Variants in NCAN observed in about 807,000 individuals in gnomAD.
The protein encoded by NCAN is neurocan.
Under a neutral mutation model 121.8 loss-of-function variants are expected in NCAN, and 47 were observed. The observed-to-expected ratio is 0.39, with a 90% CI of 0.31 to 0.49. NCAN has a LOEUF of 0.49. Ranked by LOEUF, NCAN falls within the 20% of genes least tolerant of loss-of-function variation. NCAN has a pLI of 0.92. For missense variants in NCAN, 1,517 were observed against 1,773.4 expected (o/e 0.86, Z 2.60); for synonymous variants, 633 against 702.0 (o/e 0.90, Z 1.55).
intron 2 of NCAN, among the ~76,000 whole-genome samples, chr19:19,217,726 C>T (rs1337454797): frequency 6.6e-6 from 1 of 152,176 alleles, no homozygotes; most frequent in African/African-American, 2.4e-5. Context: ...GTGGTTTATG[C>T]CTATAATTCT....
Position 19,230,471 on chromosome 19 carries a change from G to A in NCAN, c.3019+1832G>A, listed in dbSNP as rs1488435544. Among the ~76,000 whole-genome samples the A allele has an allele frequency of 5.1e-5, 7 of 137,676 alleles. No homozygotes were observed. The East Asian group carries it at 6.5e-4, about 13-fold the overall frequency. The allele number at this position is 137,676 out of a possible 152,430, so 90.3% of individuals were successfully genotyped here. A position where few individuals can be genotyped will look rare whatever the true frequency, so the allele number is the denominator to read the frequency against. On this transcript the variant is annotated intron_variant, in intron 8 of 14. Coordinates refer to ENST00000252575, the MANE Select transcript of NCAN (RefSeq NM_004386.3). ...TAGGCTTGAGTGCAGTGGCAAGATC[G>A]TGGCTCACTGCAGCCTTGACCTCCC...
rs751900603 is a variant in NCAN at position 19,228,385 on chromosome 19, C to T, written c.2765C>T (p.Pro922Leu). ...GASVPPHQSS[P>L]LGKPAVPPGT... ...TCAGTGCCTCCGCATCAGAGCAGTCCCCTAGGGAAACCGGCTGTTCCTCCT... is the reference window on the plus strand; with the variant it reads ...TCAGTGCCTCCGCATCAGAGCAGTCTCCTAGGGAAACCGGCTGTTCCTCCT... Residue 922 changes from proline to leucine, a missense_variant, in exon 8 of 15, where the codon CCC becomes CTC. Coordinates refer to ENST00000252575, the MANE Select transcript of NCAN (RefSeq NM_004386.3). 9.3e-6 allele frequency: 15 copies of T among 1,613,748 alleles called. No homozygotes were observed. Among genetic ancestry groups the T allele is most frequent in the Non-Finnish European group, 1.3e-5 (15 of 1,179,996 alleles).
chr19:19,247,688 G>A (rs2060929646), intron 13 of NCAN, among the ~76,000 whole-genome samples: 1 of 152,266 alleles, frequency 6.6e-6, no homozygotes, highest in Non-Finnish European at 1.5e-5. Context: ...GCCGCACCCG[G>A]CCTTTATTTG....
At chr19:19,235,217 A>G (rs906020622) in intron 10 of NCAN, 121 bp downstream of exon 10, 8 of 579,046 alleles carry the variant, frequency 1.4e-5, no homozygotes, top group African/African-American at 1.1e-4. Context: ...CTGACACAAG[A>G]TAAATTATTC....
intron 12 of NCAN, among the ~76,000 whole-genome samples, chr19:19,241,263 A>G (rs2060902439): frequency 6.6e-6 from 1 of 151,654 alleles, no homozygotes. Flanking sequence ...TGTCTCAAAA[A>G]AAAAAAAAAG....
chr19:19,222,427 C>G (rs2060820028), intron 3 of NCAN, among the ~76,000 whole-genome samples: 1 of 152,050 alleles, frequency 6.6e-6, no homozygotes, highest in Admixed American at 6.6e-5. Flanking sequence ...TACAGGTGCA[C>G]ACAACCACAC....
intron 11 of NCAN, among the ~76,000 whole-genome samples, chr19:19,238,994 T>C (rs1669139760): frequency 1.3e-5 from 2 of 152,136 alleles, no homozygotes; most frequent in Admixed American, 6.5e-5. Flanking sequence ...CACCATCCCA[T>C]CCCTCGTGAC....
In NCAN at chr19:19,226,724, G is replaced by C; in HGVS notation, c.1311G>C (p.Met437Ile). ...QTLSPTPGDP[M>I]LASWPTGEVW... is the part of the protein sequence containing the mutation. Reference sequence around the variant, plus strand: ...TCAGCCCTACCCCTGGGGACCCCATGCTGGCCTCATGGCCCACTGGGGAAG... The same window carrying C: ...TCAGCCCTACCCCTGGGGACCCCATCCTGGCCTCATGGCCCACTGGGGAAG... The change falls in exon 7 of 15, where the codon ATG becomes ATC. Residue 437 changes from methionine (M) to isoleucine (I), a missense_variant. Physicochemically the swap from Met to Ile is conservative, Grantham distance 10 (BLOSUM62 1). Coordinates refer to ENST00000252575, the MANE Select transcript of NCAN (RefSeq NM_004386.3). 6.2e-7 allele frequency: 1 copy of C among 1,612,712 alleles called. No homozygotes were observed. Among genetic ancestry groups the C allele is most frequent in the Non-Finnish European group, 8.5e-7 (1 of 1,179,186 alleles).
At chr19:19,238,072 G>A (rs537488985) in intron 10 of NCAN, among the ~76,000 whole-genome samples, 181 bp from the exon 11 acceptor site, 7 of 152,242 alleles carry the variant, frequency 4.6e-5, no homozygotes, top group South Asian at 2.1e-4. Flanking sequence ...AAGTCAATAT[G>A]GGAGGTGAAA....
chr19:19,218,768 A>G, intron 2 of NCAN, 147 bp from the exon 3 acceptor site: 1 of 743,634 alleles, frequency 1.3e-6, no homozygotes, highest in Non-Finnish European at 1.9e-6. Context: ...TATCGCGTCC[A>G]GCCACTGCTT....
chr19:19,229,255 A>G (rs1273811919), intron 8 of NCAN, among the ~76,000 whole-genome samples: 3 of 152,108 alleles, frequency 2.0e-5, no homozygotes, highest in Admixed American at 2.0e-4. Context: ...CATTGAGTAG[A>G]GTCTGATTTG....
chr19:19,249,045 TTGTGTG>T (rs112544518), intron 14 of NCAN, 163 bp downstream of exon 14: 1,037 of 548,776 alleles, frequency 1.9e-3, no homozygotes, highest in African/African-American at 6.6e-3. Context: ...TTTCCTTCAT[TTGTGTG>T]TGTGTGTGTG....
At chr19:19,243,242 GC>G (rs1342095913) in intron 12 of NCAN, among the ~76,000 whole-genome samples, 2 of 151,996 alleles carry the variant, frequency 1.3e-5, no homozygotes. Flanking sequence ...AATAGGCTGT[GC>G]GGGGTGGCTC....
Position 19,235,564 on chromosome 19 carries a change from G to A in NCAN, c.3250+468G>A, listed in dbSNP as rs191255841. Among the ~76,000 whole-genome samples the A allele has an allele frequency of 1.2e-3, 180 of 149,500 alleles. No homozygotes were observed. The East Asian group carries it at 0.021, about 17-fold the overall frequency. ...TGGAATTACAGGCATGTGCCACTGCGCCTGCCCTATTTTATTTTATTTTTT... is the reference window on the plus strand; with the variant it reads ...TGGAATTACAGGCATGTGCCACTGCACCTGCCCTATTTTATTTTATTTTTT... On this transcript the variant is annotated intron_variant, in intron 10 of 14. Coordinates refer to ENST00000252575, the MANE Select transcript of NCAN (RefSeq NM_004386.3).
chr19:19,233,770 C>A lies in NCAN; in HGVS notation c.3020-19C>A. On this transcript the variant is annotated intron_variant, in intron 8 of 14. Transcript: ENST00000252575. The stretch of plus-strand genomic sequence containing the variant: ...ATCTGTGGCCTGACTCTTCCCCACA[C>A]TACCCATCCATCCTGCAGTGCACTC... The A allele has an allele frequency of 6.6e-7, 1 of 1,508,676 alleles. No individual in the cohort carries two copies. The highest frequency in any genetic ancestry group is 9.2e-7 in the Non-Finnish European group (1 of 1,084,040). 93.5% of individuals were successfully genotyped at this position (1,508,676 alleles called of 1,614,324 possible).
Position 19,227,653 on chromosome 19 carries a change from A to C in NCAN, c.2033A>C (p.Tyr678Ser), listed in dbSNP as rs115916487. The change falls in exon 8 of 15, where the codon TAT (tyrosine) becomes TCT (serine). Residue 678 changes from tyrosine (Y) to serine (S), a missense_variant. Coordinates refer to ENST00000252575, the MANE Select transcript of NCAN (RefSeq NM_004386.3). The surrounding 1 kb of genome is among the most constrained non-coding windows in gnomAD (Gnocchi z 4.2). ...PPSPAAETKV[Y>S]SLPLSLTPTG... ...TCCCCTGCTGCAGAGACCAAGGTGT[A>C]TTCCCTGCCTCTCTCTTTGACCCCA... The C allele has an allele frequency of 4.8e-4, 780 of 1,613,950 alleles. No individual in the cohort carries two copies. Among genetic ancestry groups the C allele is most frequent in the African/African-American group, 3.7e-3 (276 of 75,012 alleles).
At chr19:19,228,702 T>C (rs2060847487) in intron 8 of NCAN, 63 bp downstream of exon 8, 3 of 1,511,934 alleles carry the variant, frequency 2.0e-6, no homozygotes, top group African/African-American at 2.8e-5. Context: ...GAGCAGGGGC[T>C]GGGGGATCCC....
chr19:19,222,734 C>G (rs1457392179), intron 3 of NCAN, among the ~76,000 whole-genome samples: 2 of 152,198 alleles, frequency 1.3e-5, no homozygotes, highest in African/African-American at 2.4e-5. Flanking sequence ...CACAGTGAGC[C>G]TGTTACCAGG....
rs2060806581 is a variant in NCAN, at chr19:19,219,182, C to T, written c.341C>T (p.Pro114Leu). 1 of 1,612,918 alleles carries T rather than the reference C, an allele frequency of 6.2e-7. No individual in the cohort carries two copies. The highest frequency in any genetic ancestry group is 2.2e-5 in the East Asian group (1 of 44,878). Reference sequence around the variant, plus strand: ...AGCTGGCAGGGACGAGTGTCACTGCCTTCCTACCCCCGGCGCCGAGCCAAC... The same window carrying T: ...AGCTGGCAGGGACGAGTGTCACTGCTTTCCTACCCCCGGCGCCGAGCCAAC... ...AKSWQGRVSL[P>L]SYPRRRANAT... Residue 114 changes from proline (P) to leucine (L), a missense_variant, in exon 3 of 15, where the codon CCT (proline) becomes CTT (leucine). Coordinates refer to ENST00000252575, the MANE Select transcript of NCAN (RefSeq NM_004386.3).
Sources: allele counts gnomAD v4.1 joint callset (sites outside exome capture counted in the v4.1 genomes callset), GRCh38; gene constraint gnomAD v4.1.1; non-coding constraint Gnocchi (gnomAD v3.1); transcripts MANE v1.5; gene names NCBI Gene and HGNC (gene_info 2026-07-23, HGNC 2026-07-21).